TRAPPC3L: variants seen among roughly 807,000 people sequenced by gnomAD.
TRAPPC3L encodes the protein trafficking protein particle complex subunit 3L.
Under a neutral mutation model 23.7 loss-of-function variants are expected in TRAPPC3L, and 23 were observed. The ratio of observed to expected loss-of-function variants is 0.97; its 90% CI spans 0.70 to 1.37. The LOEUF is 1.37. Ranked by LOEUF, TRAPPC3L falls within the 40% of genes most tolerant of loss-of-function variation. The probability of loss-of-function intolerance (pLI) is 0.00; values close to 1 mark genes in which losing one functional copy is unlikely to be tolerated. For synonymous variants in TRAPPC3L, 81 were observed against 77.9 expected, an observed-to-expected ratio of 1.04 and a Z score of -0.21; for missense variants, 212 against 216.8, an observed-to-expected ratio of 0.98 and a Z score of 0.14.
chr6:116,518,958 A>C (rs992971061), intron 3 of TRAPPC3L: 1 of 152,228 alleles, frequency 6.6e-6, no homozygotes, highest in African/African-American at 2.4e-5. Context: ...ATTCCTTAAC[A>C]GTCCTTTACT....
intron 3 of TRAPPC3L, among the ~76,000 whole-genome samples, chr6:116,529,613 G>T (rs1184293795): frequency 2.0e-5 from 3 of 152,204 alleles, no homozygotes; most frequent in Non-Finnish European, 4.4e-5. Flanking sequence ...CCCTCTCCAT[G>T]TCCTGCAAGG....
At chr6:116,505,729 T>A (rs1325113868) in intron 3 of TRAPPC3L, among the ~76,000 whole-genome samples, 1 of 152,142 alleles carries the variant, frequency 6.6e-6, no homozygotes. Flanking sequence ...TCTACAACCA[T>A]CTGATCTTTG....
At chr6:116,505,027 G>T (rs1302458829) in intron 3 of TRAPPC3L, among the ~76,000 whole-genome samples, 1 of 152,144 alleles carries the variant, frequency 6.6e-6, no homozygotes, top group Non-Finnish European at 1.5e-5. Flanking sequence ...GGGCAATCAG[G>T]CAAGAGAAAG....
intron 3 of TRAPPC3L, among the ~76,000 whole-genome samples, chr6:116,525,153 G>T (rs761368387): frequency 3.9e-5 from 6 of 152,120 alleles, no homozygotes; most frequent in Admixed American, 1.3e-4. Context: ...TCCCTCATTT[G>T]TAAAATGAGG....
rs549876648 is a variant in TRAPPC3L at position 116,531,167 on chromosome 6, G to C, written c.240+9196C>G. Among the ~76,000 whole-genome samples, 11 of 152,066 alleles carry C rather than the reference G, an allele frequency of 7.2e-5. No homozygotes were observed. The South Asian group carries it at 2.3e-3, about 32-fold the overall frequency. ...TCATAGCTTGGCTAGAGCCCTGGAA[G>C]TGACCTAGCATGAAACTCTACTTAA... On this transcript the variant is annotated intron_variant, in intron 3 of 4. Coordinates refer to ENST00000368602, the MANE Select transcript of TRAPPC3L (RefSeq NM_001139444.3).
chr6:116,510,486 C>T (rs1187498207), intron 3 of TRAPPC3L, among the ~76,000 whole-genome samples: 1 of 151,772 alleles, frequency 6.6e-6, no homozygotes, highest in African/African-American at 2.4e-5. Flanking sequence ...GGGAGATTCA[C>T]CATGTTGCCT....
chr6:116,504,673 C>A (rs1446600550), intron 3 of TRAPPC3L, among the ~76,000 whole-genome samples: 1 of 152,270 alleles, frequency 6.6e-6, no homozygotes, highest in East Asian at 1.9e-4. Flanking sequence ...CATCAAAAAG[C>A]TTATCCACCA....
intron 3 of TRAPPC3L, among the ~76,000 whole-genome samples, chr6:116,533,769 G>A (rs1043926265): frequency 6.6e-6 from 1 of 151,802 alleles, no homozygotes; most frequent in South Asian, 2.1e-4. Flanking sequence ...TGTCTCTAGC[G>A]TGCCTTTTGT....
At chr6:116,524,153 T>G (rs1772400538) in intron 3 of TRAPPC3L, 1 of 128,026 alleles carries the variant, frequency 7.8e-6, no homozygotes, top group Non-Finnish European at 1.7e-5. Flanking sequence ...GTCTAGAAGT[T>G]TCTTTAAAAT....
At chr6:116,532,953 A>G (rs561281823) in intron 3 of TRAPPC3L, among the ~76,000 whole-genome samples, 1 of 152,326 alleles carries the variant, frequency 6.6e-6, no homozygotes, top group East Asian at 1.9e-4. Flanking sequence ...CCTTTGGCAC[A>G]GAAAGATCTA....
At chr6:116,512,426 G>A (rs902329490) in intron 3 of TRAPPC3L, 2 of 600,278 alleles carry the variant, frequency 3.3e-6, no homozygotes, top group African/African-American at 3.7e-5. Context: ...TAAAGTTGCT[G>A]ACTGGATTAT....
chr6:116,504,069 C>CA (rs1201379632), intron 3 of TRAPPC3L, among the ~76,000 whole-genome samples: 3 of 152,026 alleles, frequency 2.0e-5, no homozygotes, highest in African/African-American at 4.8e-5. Context: ...AAAAACCCTT[C>CA]AAAAAATCAA....
At chr6:116,539,535 C>T (rs1399853739) in intron 3 of TRAPPC3L, among the ~76,000 whole-genome samples, 1 of 152,158 alleles carries the variant, frequency 6.6e-6, no homozygotes, top group African/African-American at 2.4e-5. Flanking sequence ...GGGATAGTAA[C>T]TCCAATTCTG....
rs1465963144 is a variant in TRAPPC3L, at chr6:116,500,619, G to A, written c.288C>T (p.Asn96=). 18 of 1,551,498 alleles carry A rather than the reference G, an allele frequency of 1.2e-5. No homozygotes were observed. The highest frequency in any genetic ancestry group is 9.8e-5 in the East Asian group (4 of 40,924). The change falls in exon 4 of 5, where the codon AAC becomes AAT. Residue 96 remains asparagine (N), a synonymous_variant. Coordinates refer to ENST00000368602, the MANE Select transcript of TRAPPC3L (RefSeq NM_001139444.3). ...YLGITPSVTC[N]NSSKNEFSLI... is the part of the protein sequence containing the mutation. ...GGGAAAATTCATTTTTGCTTGAATTGTTACAGGTCACACTTGGTGTAATTC... is the reference window on the plus strand; with the variant it reads ...GGGAAAATTCATTTTTGCTTGAATTATTACAGGTCACACTTGGTGTAATTC...
In TRAPPC3L at chr6:116,511,318, C is replaced by T. The variant is rs1294042544; in HGVS notation, c.241-10652G>A. On this transcript the variant is annotated intron_variant, in intron 3 of 4. Coordinates refer to ENST00000368602, the MANE Select transcript of TRAPPC3L (RefSeq NM_001139444.3). ...TTCTAGGTTTGGAGATTTGATTTGT[C>T]GGCTGAAACCTCTTTCTGTTAATGT... Among the ~76,000 whole-genome samples the T allele has an allele frequency of 2.6e-5, 4 of 151,712 alleles. 1 individual carries two copies. In the Middle Eastern group the frequency reaches 0.01, roughly 390 times the overall value.
rs1771818334 is a variant in TRAPPC3L, at chr6:116,495,280, T to C, written c.*1674A>G. The C allele has an allele frequency of 6.6e-6, 1 of 152,026 alleles. No individual in the cohort carries two copies. The highest frequency in any genetic ancestry group is 1.5e-5 in the Non-Finnish European group (1 of 68,004). The allele number at this position is 152,026 out of a possible 1,614,324, so 9.4% of individuals were successfully genotyped here. ...AGAACATGCAAAGTCTGTCTTTCTG[T>C]CCTGACATATTTCATTGAACATAAT... On this transcript the variant is annotated 3_prime_UTR_variant, in exon 5 of 5. Transcript: ENST00000368602.
At chr6:116,500,937 T>C (rs1348028372) in intron 3 of TRAPPC3L, among the ~76,000 whole-genome samples, 2 of 152,106 alleles carry the variant, frequency 1.3e-5, no homozygotes, top group Non-Finnish European at 2.9e-5. Flanking sequence ...AGAAGATGGG[T>C]AATTTCTGCA....
intron 3 of TRAPPC3L, among the ~76,000 whole-genome samples, chr6:116,536,299 T>C (rs539826326): frequency 2.0e-5 from 3 of 152,330 alleles, no homozygotes; most frequent in Admixed American, 2.0e-4. Flanking sequence ...TTGGCCATTA[T>C]CATGGGATTT....
At chr6:116,500,026 C>T (rs1422999927) in intron 4 of TRAPPC3L, among the ~76,000 whole-genome samples, 1 of 152,180 alleles carries the variant, frequency 6.6e-6, no homozygotes, top group African/African-American at 2.4e-5. Context: ...CAGGTAGCAC[C>T]CTCCTACATG....
Sources: allele counts gnomAD v4.1 joint callset (sites outside exome capture counted in the v4.1 genomes callset), GRCh38; gene constraint gnomAD v4.1.1; transcripts MANE v1.5; gene names NCBI Gene and HGNC (gene_info 2026-07-23, HGNC 2026-07-21).